Variants in PRCP observed in about 807,000 individuals in gnomAD.
The protein encoded by PRCP is prolylcarboxypeptidase, also known as lysosomal Pro-X carboxypeptidase.
A neutral mutation model predicts 54.2 loss-of-function variants in PRCP; 46 were observed. That is an observed-to-expected ratio of 0.85 (90% CI 0.67 to 1.09). PRCP has a LOEUF of 1.09. PRCP is among the 50% of genes least tolerant of loss of function. The pLI, the probability that PRCP is intolerant of heterozygous loss-of-function variation, is 0.00. For synonymous variants in PRCP, 240 were observed against 212.2 expected, an observed-to-expected ratio of 1.13 and a Z score of -1.14; for missense variants, 613 against 596.8, an observed-to-expected ratio of 1.03 and a Z score of -0.28.
intron 8 of PRCP, among the ~76,000 whole-genome samples, chr11:82,833,114 C>T (rs1049912059): frequency 2.6e-5 from 4 of 152,146 alleles, no homozygotes; most frequent in South Asian, 2.1e-4. Context: ...TATCAACAAC[C>T]GGCACATTTA....
chr11:82,883,747 A>T (rs537669809), intron 1 of PRCP, among the ~76,000 whole-genome samples: 2 of 151,832 alleles, frequency 1.3e-5, no homozygotes, highest in Non-Finnish European at 2.9e-5. Context: ...GGCCTCTCAG[A>T]TGCACAGATG....
chr11:82,866,694 C>T (rs761804330), intron 1 of PRCP, among the ~76,000 whole-genome samples: 38 of 152,152 alleles, frequency 2.5e-4, no homozygotes, highest in South Asian at 4.2e-4. Flanking sequence ...TGCCCTTGTA[C>T]ATGGCAGATA....
In PRCP at chr11:82,872,051, C is replaced by T. The variant is rs557263227; in HGVS notation, c.169-11934G>A. The stretch of plus-strand genomic sequence containing the variant: ...TATTTTGAGAGAGAGAAAGAGACTA[C>T]GCGTTCACATAATGTGTCATAGTTG... On this transcript the variant is annotated intron_variant, in intron 1 of 8. Coordinates refer to ENST00000313010, the MANE Select transcript of PRCP (RefSeq NM_005040.4). Among the ~76,000 whole-genome samples the T allele has an allele frequency of 2.0e-5, 3 of 152,142 alleles. No individual in the cohort carries two copies. The South Asian group carries it at 6.2e-4, about 31-fold the overall frequency.
At chr11:82,887,866 A>G (rs1038296142) in intron 1 of PRCP, among the ~76,000 whole-genome samples, 3 of 152,208 alleles carry the variant, frequency 2.0e-5, no homozygotes, top group African/African-American at 7.2e-5. Flanking sequence ...AGAATGCCAC[A>G]CAGAGACCAA....
chr11:82,891,518 C>G (rs1011382406), intron 1 of PRCP, among the ~76,000 whole-genome samples: 6 of 152,204 alleles, frequency 3.9e-5, no homozygotes, highest in African/African-American at 1.4e-4. Flanking sequence ...TGATTTACGG[C>G]CAAATTCCTT....
chr11:82,826,481 T>C (rs1489841898), intron 8 of PRCP: 4 of 152,238 alleles, frequency 2.6e-5, no homozygotes, highest in Non-Finnish European at 4.4e-5. Flanking sequence ...CTTAGGCATA[T>C]ACTTAGGAAT....
intron 1 of PRCP, among the ~76,000 whole-genome samples, chr11:82,884,492 G>C (rs1859822424): frequency 6.6e-6 from 1 of 152,186 alleles, no homozygotes; most frequent in South Asian, 2.1e-4. Flanking sequence ...GGGATGTCGA[G>C]GCTGCAGTGA....
At chr11:82,848,844 T>G (rs1007642705) in intron 6 of PRCP, among the ~76,000 whole-genome samples, 1 of 152,130 alleles carries the variant, frequency 6.6e-6, no homozygotes, top group Non-Finnish European at 1.5e-5. Context: ...ATTTTTCAAA[T>G]GAGGAAACTG....
At chr11:82,884,933 T>G (rs6592087) in intron 1 of PRCP, 98 of 1,604,938 alleles carry the variant, frequency 6.1e-5, no homozygotes, top group Non-Finnish European at 8.2e-5. Context: ...TTTGAAAGGT[T>G]TTACTAGCAC....
intron 8 of PRCP, chr11:82,826,582 G>T (rs1182495046): frequency 6.6e-6 from 1 of 152,186 alleles, no homozygotes; most frequent in Non-Finnish European, 1.5e-5. Flanking sequence ...AGCAACATTT[G>T]AGGGTTCCAC....
chr11:82,824,937 T>C lies in PRCP; in HGVS notation c.1460A>G (p.Asp487Gly), dbSNP rs1858185332. The C allele has an allele frequency of 6.2e-7, 1 of 1,613,948 alleles. No homozygotes were observed. Among genetic ancestry groups the C allele is most frequent in the African/African-American group, 1.3e-5 (1 of 74,902 alleles). The change falls in exon 9 of 9, where the codon GAT becomes GGT. Residue 487 changes from aspartate (D) to glycine (G), a missense_variant. Transcript: ENST00000313010. ...EVRHMKNWIR[D>G]FYDSAGKQH ...CTGCTTTCCCGCACTGTCATAGAAATCTCTGATCCAATTCTTCATATGTCT... is the reference window on the plus strand; with the variant it reads ...CTGCTTTCCCGCACTGTCATAGAAACCTCTGATCCAATTCTTCATATGTCT...
Position 82,892,306 on chromosome 11 carries a change from AAG to A in PRCP, c.168+7927_168+7928del, listed in dbSNP as rs1316417480. Among the ~76,000 whole-genome samples the A allele has an allele frequency of 1.4e-4, 21 of 152,332 alleles. No individual in the cohort carries two copies. In the South Asian group the frequency reaches 4.1e-3, roughly 30 times the overall value. On this transcript the variant is annotated intron_variant, in intron 1 of 8. Coordinates refer to ENST00000313010, the MANE Select transcript of PRCP (RefSeq NM_005040.4). ...AGCGATTATATTAATAATAATTAAA[AAG>A]AGATGTAAAAGAGTTTAGCATAATA...
intron 1 of PRCP, among the ~76,000 whole-genome samples, chr11:82,879,108 G>C (rs1372344996): frequency 1.3e-5 from 2 of 152,152 alleles, no homozygotes; most frequent in African/African-American, 4.8e-5. Context: ...AGTTCTCCTG[G>C]ATAATATCCT....
upstream of PRCP, chr11:82,900,862 C>T (rs1436114425): frequency 1.3e-5 from 6 of 458,440 alleles, no homozygotes; most frequent in South Asian, 7.7e-5. Flanking sequence ...TCCTACGTAA[C>T]GGCAATAACA....
In PRCP at chr11:82,849,544, C is replaced by G. The variant is rs116500947; in HGVS notation, c.752-326G>C. 1.8e-3 allele frequency among the ~76,000 whole-genome samples: 278 copies of G among 152,134 alleles called. 1 individual carries two copies. Among genetic ancestry groups the G allele is most frequent in the African/African-American group, 6.3e-3 (263 of 41,534 alleles). On this transcript the variant is annotated intron_variant, in intron 5 of 8. Transcript: ENST00000313010. The stretch of plus-strand genomic sequence containing the variant: ...CTATCAAACAGTGCTAAGCAAAAGA[C>G]AGTAGACACAAAAAAGACATGCTAT...
intron 1 of PRCP, among the ~76,000 whole-genome samples, chr11:82,879,332 C>G (rs12363074): frequency 0.13 from 19,740 of 152,230 alleles, 1,349 homozygotes; most frequent in Middle Eastern, 0.19. Context: ...GCTGCTGAAG[C>G]TTGTGCATGC....
intron 1 of PRCP, among the ~76,000 whole-genome samples, chr11:82,874,396 T>C (rs1266167733): frequency 4.6e-5 from 7 of 152,082 alleles, no homozygotes; most frequent in African/African-American, 1.2e-4. Flanking sequence ...TAGAAACTAA[T>C]TGTACAAGTT....
chr11:82,838,223 A>G (rs571955178), intron 8 of PRCP, among the ~76,000 whole-genome samples, 164 bp downstream of exon 8: 15 of 152,312 alleles, frequency 9.8e-5, no homozygotes, highest in African/African-American at 3.1e-4. Context: ...AAAAAATCCT[A>G]TCTCTTCTCA....
intron 1 of PRCP, among the ~76,000 whole-genome samples, chr11:82,891,809 AT>A (rs1860014357): frequency 6.6e-6 from 1 of 152,236 alleles, no homozygotes; most frequent in African/African-American, 2.4e-5. Context: ...TTAGACAGAC[AT>A]TGAACATTCA....
Sources: gnomAD v4.1 joint callset for allele counts (sites outside exome capture counted in the v4.1 genomes callset) on GRCh38, gnomAD v4.1.1 for gene constraint, MANE v1.5 for transcripts, NCBI Gene and HGNC (gene_info 2026-07-23, HGNC 2026-07-21) for gene names.